TMEM117: variants seen among roughly 807,000 people sequenced by gnomAD.
The protein encoded by TMEM117 is transmembrane protein 117.
In TMEM117, 27 loss-of-function variants were observed where a neutral mutation model predicts 52.4. The ratio of observed to expected loss-of-function variants is 0.51; its 90% CI spans 0.38 to 0.71. TMEM117 has a LOEUF of 0.71. Among genes scored for constraint, TMEM117 ranks in the 30% least tolerant of loss-of-function variants. TMEM117 has a pLI of 0.00. For missense variants in TMEM117, 556 were observed against 630.5 expected, an observed-to-expected ratio of 0.88 and a Z score of 1.26; for synonymous variants, 215 against 206.3, an observed-to-expected ratio of 1.04 and a Z score of -0.36.
chr12:44,062,446 G>A (rs11182410), intron 3 of TMEM117, among the ~76,000 whole-genome samples: 4,226 of 152,238 alleles, frequency 0.028, 112 homozygotes, highest in African/African-American at 0.062. Flanking sequence ...TGTGCATACC[G>A]TCTATGAAAT....
At chr12:43,806,417 C>T in the TMEM117 span, 87 of 1,149,896 alleles carry the variant, frequency 7.6e-5, no homozygotes, top group Non-Finnish European at 8.3e-5. Context: ...GCCGCCCCGC[C>T]GCCCTTCCTG....
chr12:44,341,601 T>C (rs1053721263), intron 6 of TMEM117, among the ~76,000 whole-genome samples: 3 of 152,162 alleles, frequency 2.0e-5, no homozygotes, highest in African/African-American at 7.2e-5. Flanking sequence ...TTAGTCTTGC[T>C]CTGCTCTGAG....
At position 43,844,856 on chromosome 12, in the gene TMEM117, G is replaced by A. The variant is rs1326404635; in HGVS notation, c.205G>A (p.Val69Met). 1 of 1,614,046 alleles carries A rather than the reference G, an allele frequency of 6.2e-7. No homozygotes were observed. Among genetic ancestry groups the A allele is most frequent in the African/African-American group, 1.3e-5 (1 of 74,920 alleles). Residue 69 changes from valine (V) to methionine (M), a missense_variant, in exon 2 of 8, where the codon GTG becomes ATG. Transcript: ENST00000266534. The part of the protein sequence containing the change: ...PRGVGWRILK[V>M]LLWLLAILTG... ...AGGAGTTGGCTGGAGGATTTTGAAG[G>A]TGCTTCTATGGCTACTTGCCATTCT...
At chr12:44,387,909 A>T in intron 7 of TMEM117, 117 bp from the exon 8 acceptor site, 1 of 948,260 alleles carries the variant, frequency 1.1e-6, no homozygotes, top group Non-Finnish European at 1.5e-6. Flanking sequence ...TTAATTGTTA[A>T]CCAGTCTGAA....
chr12:44,162,270 C>T (rs547751795), intron 4 of TMEM117, among the ~76,000 whole-genome samples: 5 of 152,300 alleles, frequency 3.3e-5, no homozygotes, highest in African/African-American at 1.2e-4. Context: ...AGTGTCCCTT[C>T]TTTAGGCCCT....
At chr12:44,295,414 G>T (rs1450731521) in intron 5 of TMEM117, among the ~76,000 whole-genome samples, 1 of 151,896 alleles carries the variant, frequency 6.6e-6, no homozygotes, top group Non-Finnish European at 1.5e-5. Flanking sequence ...TCACTGTGTT[G>T]CCCAGGCTGG....
At chr12:44,377,597 C>T (rs1315770196) in intron 7 of TMEM117, among the ~76,000 whole-genome samples, 2 of 152,138 alleles carry the variant, frequency 1.3e-5, no homozygotes, top group Non-Finnish European at 2.9e-5. Context: ...TTATATCTGT[C>T]TTTCTTTATG....
At chr12:44,033,416 A>G (rs1391428552) in intron 3 of TMEM117, among the ~76,000 whole-genome samples, 1 of 152,238 alleles carries the variant, frequency 6.6e-6, no homozygotes, top group Non-Finnish European at 1.5e-5. Flanking sequence ...ATGAGATCCA[A>G]GAACCCTCTG....
chr12:44,129,122 G>C (rs2138161704), intron 3 of TMEM117, among the ~76,000 whole-genome samples: 1 of 152,292 alleles, frequency 6.6e-6, no homozygotes, highest in Middle Eastern at 3.4e-3. Context: ...TACTCAGCAT[G>C]AGTGTTGTCC....
rs537186000 is a variant in TMEM117 at position 44,040,286 on chromosome 12, TATG to T, written c.410+95947_410+95949del. Among the ~76,000 whole-genome samples the T allele has an allele frequency of 3.1e-3, 478 of 152,208 alleles. 1 individual carries two copies. Among genetic ancestry groups the T allele is most frequent in the Non-Finnish European group, 3.2e-3 (220 of 67,992 alleles). Reference sequence around the variant, plus strand: ...AAGTTTATATAATTTAATTTTAAATTATGATCATATTTAACAACTGGCTCACAA... The same window carrying T: ...AAGTTTATATAATTTAATTTTAAATTATCATATTTAACAACTGGCTCACAA... On this transcript the variant is annotated intron_variant, in intron 3 of 7. Coordinates refer to ENST00000266534, the MANE Select transcript of TMEM117 (RefSeq NM_032256.3).
At chr12:43,958,846 G>A (rs777973750) in intron 3 of TMEM117, among the ~76,000 whole-genome samples, 6 of 151,744 alleles carry the variant, frequency 4.0e-5, no homozygotes, top group Non-Finnish European at 5.9e-5. Context: ...TCACTCTGTC[G>A]CCCTGGCTGG....
chr12:43,887,492 T>C (rs1944017014), intron 2 of TMEM117, among the ~76,000 whole-genome samples: 1 of 152,200 alleles, frequency 6.6e-6, no homozygotes, highest in South Asian at 2.1e-4. Flanking sequence ...TACAAGAAAC[T>C]AAACTAAGGA....
intron 2 of TMEM117, among the ~76,000 whole-genome samples, chr12:43,900,990 A>G (rs1453741763): frequency 2.0e-5 from 3 of 152,210 alleles, no homozygotes; most frequent in African/African-American, 7.2e-5. Context: ...TCATATAGAT[A>G]GTTGTACTGT....
Position 43,893,825 on chromosome 12 carries a change from A to T in TMEM117, c.277+48897A>T, listed in dbSNP as rs75037432. ...TTGTGATTTTGTGGGTTAGAAATAC[A>T]TGAAGGACTCGGGTGCGTGACTCAT... On this transcript the variant is annotated intron_variant, in intron 2 of 7. Transcript: ENST00000266534. Among the ~76,000 whole-genome samples the T allele has an allele frequency of 4.6e-3, 698 of 152,348 alleles. 2 individuals carry two copies. Among genetic ancestry groups the T allele is most frequent in the Non-Finnish European group, 8.0e-3 (544 of 68,030 alleles).
At chr12:43,945,548 C>T (rs1051323848) in intron 3 of TMEM117, among the ~76,000 whole-genome samples, 2 of 152,116 alleles carry the variant, frequency 1.3e-5, no homozygotes, top group African/African-American at 4.8e-5. Flanking sequence ...GTCTCGAATT[C>T]CTGACCTCAG....
At chr12:44,247,998 G>A (rs1950151531) in intron 5 of TMEM117, among the ~76,000 whole-genome samples, 1 of 152,214 alleles carries the variant, frequency 6.6e-6, no homozygotes, top group Non-Finnish European at 1.5e-5. Context: ...GGTTTGAGAT[G>A]AGAATGAGGA....
intron 5 of TMEM117, 41 bp downstream of exon 5, chr12:44,211,428 T>G (rs764420478): frequency 5.0e-6 from 7 of 1,405,390 alleles, no homozygotes; most frequent in East Asian, 4.6e-5. Context: ...CCTTGCCTCA[T>G]TCACTGAAGG....
At chr12:44,083,711 A>G (rs955550059) in intron 3 of TMEM117, 3 of 152,044 alleles carry the variant, frequency 2.0e-5, no homozygotes, top group African/African-American at 7.2e-5. Context: ...GCCAGATTTC[A>G]TAATTCATGC....
rs931496465 is a variant in TMEM117 at position 44,069,062 on chromosome 12, T to A, written c.411-74463T>A. The stretch of plus-strand genomic sequence containing the variant: ...AGAATCACCATTAAAATCTTTATTC[T>A]TTATGGTTTTTAGTTATGTTTATTT... On this transcript the variant is annotated intron_variant, in intron 3 of 7. Coordinates refer to ENST00000266534, the MANE Select transcript of TMEM117 (RefSeq NM_032256.3). 8.5e-5 allele frequency among the ~76,000 whole-genome samples: 13 copies of A among 152,344 alleles called. No homozygotes were observed. In the East Asian group the frequency reaches 2.1e-3, roughly 25 times the overall value.
Sources: allele counts gnomAD v4.1 joint callset (sites outside exome capture counted in the v4.1 genomes callset), GRCh38; gene constraint gnomAD v4.1.1; transcripts MANE v1.5; gene names NCBI Gene and HGNC (gene_info 2026-07-23, HGNC 2026-07-21).